Variants in PIP5K1B observed in about 807,000 individuals in gnomAD.
PIP5K1B encodes the protein phosphatidylinositol 4-phosphate 5-kinase type-1 beta.
Under a neutral mutation model 67.0 loss-of-function variants are expected in PIP5K1B, and 42 were observed. The ratio of observed to expected loss-of-function variants is 0.63; its 90% confidence interval spans 0.49 to 0.81. The LOEUF is 0.81. Among genes scored for constraint, PIP5K1B ranks in the 30% least tolerant of loss-of-function variants. PIP5K1B has a pLI of 0.00. For synonymous variants in PIP5K1B, 214 were observed against 231.4 expected (o/e 0.92, Z 0.68); for missense variants, 459 against 646.3 (o/e 0.71, Z 3.14).
At chr9:68,788,025 T>G (rs2089673753) in intron 2 of PIP5K1B, among the ~76,000 whole-genome samples, 1 of 152,234 alleles carries the variant, frequency 6.6e-6, no homozygotes. Flanking sequence ...TGTTGGTCTT[T>G]TTCAGTAGAA....
intron 14 of PIP5K1B, among the ~76,000 whole-genome samples, chr9:68,952,621 C>T (rs1828137585): frequency 2.0e-5 from 3 of 152,202 alleles, no homozygotes; most frequent in Admixed American, 6.5e-5. Context: ...CTAACCCTAA[C>T]ACTTGATTGA....
At chr9:68,792,097 G>C (rs1278464995) in intron 2 of PIP5K1B, among the ~76,000 whole-genome samples, 2 of 152,204 alleles carry the variant, frequency 1.3e-5, no homozygotes, top group Non-Finnish European at 2.9e-5. Flanking sequence ...TCAGTTAGGT[G>C]CTTTCTTCTG....
intron 1 of PIP5K1B, among the ~76,000 whole-genome samples, chr9:68,722,805 T>G (rs1211404926): frequency 3.3e-5 from 5 of 152,118 alleles, no homozygotes; most frequent in Non-Finnish European, 5.9e-5. Context: ...TTCATTGTGT[T>G]GGGAACATTA....
intron 1 of PIP5K1B, among the ~76,000 whole-genome samples, chr9:68,737,886 G>T (rs1295710759): frequency 6.6e-6 from 1 of 152,176 alleles, no homozygotes; most frequent in Non-Finnish European, 1.5e-5. Flanking sequence ...TATAAAAGGG[G>T]CTTCTATATT....
chr9:68,865,242 CTCT>C (rs1341028173), intron 5 of PIP5K1B, among the ~76,000 whole-genome samples: 2 of 151,744 alleles, frequency 1.3e-5, no homozygotes, highest in Non-Finnish European at 2.9e-5. Flanking sequence ...TATGATCCTA[CTCT>C]TCTTTCTATA....
intron 4 of PIP5K1B, among the ~76,000 whole-genome samples, chr9:68,858,165 G>A (rs183032660): frequency 2.6e-5 from 4 of 152,066 alleles, no homozygotes; most frequent in East Asian, 3.9e-4. Flanking sequence ...GTAGAGACGC[G>A]GTTTCACCAT....
chr9:68,902,205 G>A (rs1344216902), intron 8 of PIP5K1B, among the ~76,000 whole-genome samples: 1 of 152,158 alleles, frequency 6.6e-6, no homozygotes, highest in Non-Finnish European at 1.5e-5. Context: ...CCTTGGTCAA[G>A]TACAGAACAG....
chr9:68,712,247 C>T (rs1429877380), intron 1 of PIP5K1B, among the ~76,000 whole-genome samples: 1 of 152,204 alleles, frequency 6.6e-6, no homozygotes, highest in African/African-American at 2.4e-5. Flanking sequence ...CCCCCTTCAC[C>T]TTCCGCCATG....
intron 14 of PIP5K1B, among the ~76,000 whole-genome samples, chr9:68,984,612 G>T (rs1284893170): frequency 6.6e-6 from 1 of 152,072 alleles, no homozygotes. Context: ...ATATTAAATT[G>T]TTGGAAGCTT....
chr9:68,720,819 G>A (rs920814794), intron 1 of PIP5K1B, among the ~76,000 whole-genome samples: 4 of 152,276 alleles, frequency 2.6e-5, no homozygotes, highest in East Asian at 3.9e-4. Context: ...TGTCACTGCC[G>A]TGGCAGGAAA....
intron 1 of PIP5K1B, chr9:68,727,611 T>C (rs549975255): frequency 3.3e-5 from 5 of 152,350 alleles, no homozygotes; most frequent in Admixed American, 2.0e-4. Flanking sequence ...TTCTAAACAA[T>C]AAACATGTGA....
intron 2 of PIP5K1B, chr9:68,780,756 G>T (rs1320597910): frequency 6.2e-7 from 1 of 1,614,102 alleles, no homozygotes; most frequent in Non-Finnish European, 8.5e-7. Flanking sequence ...TAGACCAAGT[G>T]TTCTTGGACC....
intron 2 of PIP5K1B, among the ~76,000 whole-genome samples, chr9:68,753,971 T>C (rs199805250): frequency 6.6e-6 from 1 of 151,962 alleles, no homozygotes; most frequent in East Asian, 1.9e-4. Flanking sequence ...TTCTTGAATA[T>C]TCTTCATGAT....
intron 12 of PIP5K1B, among the ~76,000 whole-genome samples, chr9:68,929,841 T>C (rs1001360771): frequency 6.6e-6 from 1 of 152,154 alleles, no homozygotes; most frequent in African/African-American, 2.4e-5. Flanking sequence ...AGCTAATGTT[T>C]GTATTTTTAG....
At chr9:68,896,397 CTATT>C (rs1344199992) in intron 8 of PIP5K1B, among the ~76,000 whole-genome samples, 3 of 150,696 alleles carry the variant, frequency 2.0e-5, no homozygotes. Flanking sequence ...CAGGATTTGT[CTATT>C]TATTAGTGTT....
chr9:68,721,570 A>C (rs768426476), intron 1 of PIP5K1B, among the ~76,000 whole-genome samples: 3 of 152,130 alleles, frequency 2.0e-5, no homozygotes, highest in Non-Finnish European at 4.4e-5. Context: ...TTGGACATGC[A>C]TTTGAGATAC....
chr9:68,850,835 C>A (rs1340980018), intron 4 of PIP5K1B, among the ~76,000 whole-genome samples: 2 of 152,096 alleles, frequency 1.3e-5, no homozygotes, highest in Non-Finnish European at 2.9e-5. Flanking sequence ...ATGAAATATT[C>A]TTCCCTAGTG....
chr9:68,872,412 TG>T lies in PIP5K1B; in HGVS notation c.201-4263del, dbSNP rs564921124. 3.5e-3 allele frequency among the ~76,000 whole-genome samples: 538 copies of T among 152,352 alleles called. 6 individuals are homozygous for T. The highest frequency in any genetic ancestry group is 0.01 in the Middle Eastern group (3 of 294). ...TGTCAAGCTGGTATTTGTTATTCATTGGAACAGCTTAAATATGCAGAGGTAA... is the reference window on the plus strand; with the variant it reads ...TGTCAAGCTGGTATTTGTTATTCATTGAACAGCTTAAATATGCAGAGGTAA... On this transcript the variant is annotated intron_variant, in intron 5 of 15. Transcript: ENST00000265382.
At chr9:68,816,462 A>T (rs756094199) in intron 2 of PIP5K1B, among the ~76,000 whole-genome samples, 2 of 152,218 alleles carry the variant, frequency 1.3e-5, no homozygotes, top group Non-Finnish European at 2.9e-5. Flanking sequence ...ACATAAAAAT[A>T]TAAATGCAAG....
Sources: gnomAD v4.1 joint callset for allele counts (sites outside exome capture counted in the v4.1 genomes callset) on GRCh38, gnomAD v4.1.1 for gene constraint, MANE v1.5 for transcripts, NCBI Gene and HGNC (gene_info 2026-07-23, HGNC 2026-07-21) for gene names.